Variants in MSRA observed in about 807,000 individuals in gnomAD.
The protein encoded by MSRA is mitochondrial peptide methionine sulfoxide reductase.
A neutral mutation model predicts 31.3 loss-of-function variants in MSRA; 54 were observed. The ratio of observed to expected loss-of-function variants is 1.73; its 90% CI spans 1.39 to 2.17. The LOEUF is 2.17. Among genes scored for constraint, MSRA ranks in the 30% most tolerant of loss-of-function variants. The pLI, the probability that MSRA is intolerant of heterozygous loss-of-function variation, is 0.00. For synonymous variants in MSRA, 169 were observed against 116.5 expected, an observed-to-expected ratio of 1.45 and a Z score of -2.90; for missense variants, 507 against 300.9, an observed-to-expected ratio of 1.69 and a Z score of -5.07.
chr8:10,256,707 G>C (rs937368738), intron 3 of MSRA, among the ~76,000 whole-genome samples: 1 of 152,202 alleles, frequency 6.6e-6, no homozygotes, highest in Non-Finnish European at 1.5e-5. Context: ...GAGTGTAAGA[G>C]TTCAGATTTG....
rs1160254616 is a variant in MSRA at position 10,271,349 on chromosome 8, G to C, written c.331+26126G>C. ...AGCTGATGTGGCTTCTTAAATATAT[G>C]AGTGTGTTTTTTAAAAAAGGGGAGA... On this transcript the variant is annotated intron_variant, in intron 3 of 5. Coordinates refer to ENST00000317173, the MANE Select transcript of MSRA (RefSeq NM_012331.5). Among the ~76,000 whole-genome samples the C allele has an allele frequency of 2.6e-5, 4 of 152,270 alleles. No individual in the cohort carries two copies. In the East Asian group the frequency reaches 7.7e-4, roughly 29 times the overall value.
At chr8:10,231,764 G>A (rs1221050063) in intron 2 of MSRA, among the ~76,000 whole-genome samples, 6 of 152,208 alleles carry the variant, frequency 3.9e-5, no homozygotes, top group South Asian at 2.1e-4. Context: ...TTAGCCGGGC[G>A]TGGTGGCGGG....
intron 1 of MSRA, among the ~76,000 whole-genome samples, chr8:10,202,120 T>A (rs1277511230): frequency 6.6e-6 from 1 of 152,272 alleles, no homozygotes; most frequent in Non-Finnish European, 1.5e-5. Context: ...CCATTGATTT[T>A]GAAACAAATT....
Position 10,351,963 on chromosome 8 carries a change from C to A in MSRA, c.543+31974C>A, listed in dbSNP as rs12674566. On this transcript the variant is annotated intron_variant, in intron 5 of 5. Coordinates refer to ENST00000317173, the MANE Select transcript of MSRA (RefSeq NM_012331.5). Reference sequence around the variant, plus strand: ...AACCCAGCTGTGTGGTTGTTGACTGCGATGAGGATCGCACTGACTTAGAAA... The same window carrying A: ...AACCCAGCTGTGTGGTTGTTGACTGAGATGAGGATCGCACTGACTTAGAAA... Among the ~76,000 whole-genome samples, 50 of 152,310 alleles carry A rather than the reference C, an allele frequency of 3.3e-4. 1 individual carries two copies. The East Asian group carries it at 9.5e-3, about 29-fold the overall frequency.
chr8:10,193,762 A>C (rs906809294), intron 1 of MSRA, among the ~76,000 whole-genome samples: 6 of 152,184 alleles, frequency 3.9e-5, no homozygotes, highest in Non-Finnish European at 7.3e-5. Context: ...GGGTTATCCA[A>C]CTTCCCTTAA....
chr8:10,212,042 C>T (rs189155305), intron 2 of MSRA, among the ~76,000 whole-genome samples: 1 of 152,072 alleles, frequency 6.6e-6, no homozygotes, highest in East Asian at 1.9e-4. Flanking sequence ...AAAATATTAG[C>T]TGGGTATGGT....
chr8:10,289,762 A>T (rs1343182373), intron 3 of MSRA, among the ~76,000 whole-genome samples: 1 of 152,152 alleles, frequency 6.6e-6, no homozygotes, highest in Non-Finnish European at 1.5e-5. Flanking sequence ...CTTTTAGGAA[A>T]ACGTACGCTT....
intron 1 of MSRA, among the ~76,000 whole-genome samples, chr8:10,104,018 C>A (rs1799706878): frequency 6.6e-6 from 1 of 152,068 alleles, no homozygotes; most frequent in Non-Finnish European, 1.5e-5. Flanking sequence ...TGTTGCTATC[C>A]TTTTGCAAAT....
At chr8:10,105,792 C>T (rs1483803858) in intron 1 of MSRA, among the ~76,000 whole-genome samples, 1 of 152,112 alleles carries the variant, frequency 6.6e-6, no homozygotes, top group Non-Finnish European at 1.5e-5. Context: ...TTTTGTTGTG[C>T]AATCAAGTAG....
At chr8:10,141,706 G>C (rs181825308) in intron 1 of MSRA, among the ~76,000 whole-genome samples, 1 of 151,788 alleles carries the variant, frequency 6.6e-6, no homozygotes, top group Non-Finnish European at 1.5e-5. Context: ...CTCACCTCTT[G>C]ACAAATGCCT....
intron 4 of MSRA, among the ~76,000 whole-genome samples, chr8:10,311,689 G>A (rs539862776): frequency 1.8e-4 from 28 of 152,258 alleles, no homozygotes; most frequent in Non-Finnish European, 2.9e-4. Context: ...AAGGAGGGAG[G>A]ATCACTTGAA....
chr8:10,087,521 G>A (rs1458318975), intron 1 of MSRA, among the ~76,000 whole-genome samples: 3 of 152,290 alleles, frequency 2.0e-5, no homozygotes, highest in Non-Finnish European at 4.4e-5. Context: ...TGTGCTCTTT[G>A]GAGTTTCAGA....
At chr8:10,107,597 G>A (rs748544973) in intron 1 of MSRA, among the ~76,000 whole-genome samples, 1 of 152,084 alleles carries the variant, frequency 6.6e-6, no homozygotes, top group African/African-American at 2.4e-5. Flanking sequence ...CTGTATGTAA[G>A]CATTTTTAAA....
intron 5 of MSRA, among the ~76,000 whole-genome samples, chr8:10,386,930 G>A (rs542586356): frequency 6.6e-6 from 1 of 151,250 alleles, no homozygotes; most frequent in East Asian, 1.9e-4. Flanking sequence ...AGCCCCAAAG[G>A]CATGGGATCG....
intron 1 of MSRA, among the ~76,000 whole-genome samples, chr8:10,184,571 T>C (rs1310021010): frequency 6.6e-6 from 1 of 152,162 alleles, no homozygotes; most frequent in South Asian, 2.1e-4. Context: ...TCGGTTTTTT[T>C]AGAAACTAGC....
rs139817756 is a variant in MSRA at position 10,360,104 on chromosome 8, C to T, written c.543+40115C>T. Reference sequence around the variant, plus strand: ...AGCTCCAGCCTCTTCACCCAGGCCTCGTAACACAGGCCCTTGCGTGTGCTG... The same window carrying T: ...AGCTCCAGCCTCTTCACCCAGGCCTTGTAACACAGGCCCTTGCGTGTGCTG... On this transcript the variant is annotated intron_variant, in intron 5 of 5. Transcript: ENST00000317173. Among the ~76,000 whole-genome samples the T allele has an allele frequency of 4.9e-3, 752 of 152,304 alleles. 5 individuals carry two copies. Among genetic ancestry groups the T allele is most frequent in the Non-Finnish European group, 5.4e-3 (370 of 68,020 alleles).
chr8:10,321,480 A>C (rs1021118143), intron 5 of MSRA, among the ~76,000 whole-genome samples: 4 of 151,672 alleles, frequency 2.6e-5, no homozygotes, highest in Non-Finnish European at 5.9e-5. Context: ...GGCCCCTCCC[A>C]CCTCCCTCCC....
At chr8:10,129,462 G>A (rs1489350139) in intron 1 of MSRA, among the ~76,000 whole-genome samples, 2 of 152,102 alleles carry the variant, frequency 1.3e-5, no homozygotes, top group Non-Finnish European at 2.9e-5. Context: ...GGAATAATGA[G>A]TTTCCTTGAT....
intron 3 of MSRA, among the ~76,000 whole-genome samples, chr8:10,271,935 C>T (rs1799065409): frequency 6.6e-6 from 1 of 152,112 alleles, no homozygotes; most frequent in Admixed American, 6.5e-5. Flanking sequence ...CTCGAACTCT[C>T]AACCTAAGGT....
Sources: gnomAD v4.1 joint callset for allele counts (sites outside exome capture counted in the v4.1 genomes callset) on GRCh38, gnomAD v4.1.1 for gene constraint, MANE v1.5 for transcripts, NCBI Gene and HGNC (gene_info 2026-07-23, HGNC 2026-07-21) for gene names.